The following PDE1C variants were observed in gnomAD, a reference collection of about 807,000 sequenced individuals.
PDE1C encodes the protein phosphodiesterase 1C.
PDE1C carries 62 observed loss-of-function variants against 93.1 expected under a neutral mutation model. The observed-to-expected ratio is 0.67, with a 90% confidence interval of 0.54 to 0.82. The LOEUF (loss-of-function observed/expected upper bound fraction) is 0.82. Ranked by LOEUF, PDE1C falls within the 40% of genes least tolerant of loss-of-function variation. The pLI, the probability that PDE1C is intolerant of heterozygous loss-of-function variation, is 0.00. For synonymous variants in PDE1C, 325 were observed against 310.1 expected, an observed-to-expected ratio of 1.05 and a Z score of -0.50; for missense variants, 742 against 884.6, an observed-to-expected ratio of 0.84 and a Z score of 2.04.
chr7:32,329,420 C>T (rs950368751), intron 1 of PDE1C, among the ~76,000 whole-genome samples: 3 of 152,104 alleles, frequency 2.0e-5, no homozygotes, highest in African/African-American at 7.2e-5. Flanking sequence ...ACAGAGACCA[C>T]CTCGGAGCTC....
chr7:31,711,376 T>C, the PDE1C span, among the ~76,000 whole-genome samples: 1 of 152,234 alleles, frequency 6.6e-6, no homozygotes, highest in African/African-American at 2.4e-5. Flanking sequence ...TTTCATCTCA[T>C]TTGATCCTCA....
chr7:31,795,152 T>A (rs1467395374), intron 16 of PDE1C, among the ~76,000 whole-genome samples: 1 of 151,936 alleles, frequency 6.6e-6, no homozygotes, highest in Non-Finnish European at 1.5e-5. Flanking sequence ...TTTAATAGCT[T>A]TTTTAGCATG....
intron 1 of PDE1C, among the ~76,000 whole-genome samples, chr7:32,335,993 A>G (rs1285016895): frequency 6.6e-6 from 1 of 152,102 alleles, no homozygotes; most frequent in Non-Finnish European, 1.5e-5. Flanking sequence ...CCTGGCCTTA[A>G]TTACCTTTTT....
At chr7:31,772,514 T>C (rs943339291) in intron 17 of PDE1C, among the ~76,000 whole-genome samples, 3 of 143,354 alleles carry the variant, frequency 2.1e-5, no homozygotes, top group African/African-American at 5.7e-5. Context: ...CTCTCTCTCT[T>C]TTTTTTTTTT....
chr7:32,113,979 AG>A (rs1297365980), intron 3 of PDE1C, among the ~76,000 whole-genome samples: 1 of 152,204 alleles, frequency 6.6e-6, no homozygotes, highest in Non-Finnish European at 1.5e-5. Context: ...CAAATAAGAG[AG>A]GACACGAACA....
intron 2 of PDE1C, among the ~76,000 whole-genome samples, chr7:32,042,214 C>T (rs30575): frequency 0.7 from 106,976 of 152,126 alleles, 37,892 homozygotes; most frequent in Middle Eastern, 0.8. Context: ...ACAGGAGAAT[C>T]GCTTGAACTG....
At chr7:31,673,379 T>C in the PDE1C span, among the ~76,000 whole-genome samples, 1 of 151,990 alleles carries the variant, frequency 6.6e-6, no homozygotes, top group Non-Finnish European at 1.5e-5. Flanking sequence ...TTTTTATATG[T>C]GGTCTGGCCA....
intron 17 of PDE1C, among the ~76,000 whole-genome samples, chr7:31,762,808 G>A (rs1418084699): frequency 6.6e-6 from 1 of 152,184 alleles, no homozygotes; most frequent in East Asian, 1.9e-4. Context: ...AGTTGATCCT[G>A]TCTGAACCAA....
At position 32,261,375 on chromosome 7, in the gene PDE1C, A is replaced by G. The variant is rs543462565; in HGVS notation, c.85+37276T>C. Among the ~76,000 whole-genome samples the G allele has an allele frequency of 2.8e-4, 43 of 152,212 alleles. No individual in the cohort carries two copies. In the South Asian group the frequency reaches 4.0e-3, roughly 14 times the overall value. On this transcript the variant is annotated intron_variant, in intron 1 of 18. Transcript: ENST00000396193. The stretch of plus-strand genomic sequence containing the variant: ...TTCAACCCCCTATGATTCCATCTCC[A>G]ACCTGACCAATCAGCACTCCCCACT...
intron 3 of PDE1C, among the ~76,000 whole-genome samples, chr7:32,113,985 C>T (rs767255556): frequency 6.6e-5 from 10 of 152,066 alleles, no homozygotes; most frequent in Middle Eastern, 3.4e-3. Flanking sequence ...AGAGAGGACA[C>T]GAACACATGG....
chr7:32,403,199 CA>C (rs35237627), intron 1 of PDE1C, among the ~76,000 whole-genome samples: 134,714 of 152,204 alleles, frequency 0.89, 61,317 homozygotes, highest in East Asian at 0.99. Flanking sequence ...TCTAACAGGG[CA>C]ACTAAATTAA....
the PDE1C span, among the ~76,000 whole-genome samples, chr7:31,685,173 T>C: frequency 6.6e-6 from 1 of 151,782 alleles, no homozygotes; most frequent in African/African-American, 2.4e-5. Flanking sequence ...TATTCCATTA[T>C]TAAAACATTC....
chr7:31,686,215 T>C, the PDE1C span, among the ~76,000 whole-genome samples: 78 of 152,266 alleles, frequency 5.1e-4, no homozygotes, highest in African/African-American at 1.5e-3. Flanking sequence ...GCCCTTCTAG[T>C]GGGTCCTGAT....
intron 2 of PDE1C, among the ~76,000 whole-genome samples, chr7:32,187,964 T>C (rs1162425783): frequency 6.6e-6 from 1 of 152,234 alleles, no homozygotes; most frequent in East Asian, 1.9e-4. Flanking sequence ...GATTCCTGTT[T>C]CAATTGGCTG....
chr7:32,072,522 G>A (rs977653547), upstream of PDE1C, among the ~76,000 whole-genome samples: 5 of 152,222 alleles, frequency 3.3e-5, no homozygotes, highest in Admixed American at 3.3e-4. Flanking sequence ...CGTGTTTTGA[G>A]AATGGAAGAC....
At chr7:31,808,313 T>G (rs780625579) in intron 16 of PDE1C, 1 of 363,916 alleles carries the variant, frequency 2.7e-6, no homozygotes, top group South Asian at 2.2e-5. Context: ...TAATATGATG[T>G]CTGTGTATGA....
chr7:32,161,757 AAG>A (rs1380519352), intron 3 of PDE1C, among the ~76,000 whole-genome samples: 2 of 152,162 alleles, frequency 1.3e-5, no homozygotes, highest in Admixed American at 6.5e-5. Context: ...AAGCTCCAGA[AAG>A]AGTGTCCCGC....
At chr7:32,056,404 C>CAG (rs1280943235) in intron 1 of PDE1C, among the ~76,000 whole-genome samples, 2 of 148,532 alleles carry the variant, frequency 1.3e-5, no homozygotes, top group Non-Finnish European at 3.0e-5. Flanking sequence ...CACACACACA[C>CAG]AGCTTCATCT....
intron 1 of PDE1C, among the ~76,000 whole-genome samples, chr7:32,381,494 C>CTTA (rs1784533489): frequency 6.6e-6 from 1 of 151,958 alleles, no homozygotes; most frequent in South Asian, 2.1e-4. Context: ...GTGCTCTAAC[C>CTTA]CCTCCTCTCC....
Sources: allele counts gnomAD v4.1 joint callset (sites outside exome capture counted in the v4.1 genomes callset), GRCh38; gene constraint gnomAD v4.1.1; transcripts MANE v1.5; gene names NCBI Gene and HGNC (gene_info 2026-07-23, HGNC 2026-07-21).